The following KCNJ3 variants were observed in gnomAD, a reference collection of about 807,000 sequenced individuals.
The protein encoded by KCNJ3 is G protein-activated inward rectifier potassium channel 1.
A neutral mutation model predicts 39.2 loss-of-function variants in KCNJ3; 4 were observed. The observed-to-expected ratio is 0.10, with a 90% CI of 0.05 to 0.23. The LOEUF (loss-of-function observed/expected upper bound fraction) is 0.23. KCNJ3 is among the 10% of genes least tolerant of loss of function. The pLI, the probability that KCNJ3 is intolerant of heterozygous loss-of-function variation, is 1.00. For synonymous variants in KCNJ3, 230 were observed against 237.4 expected (o/e 0.97, Z 0.29); for missense variants, 276 against 634.9 (o/e 0.43, Z 6.08).
chr2:154,721,149 A>C (rs1187276674), intron 2 of KCNJ3, among the ~76,000 whole-genome samples: 2 of 152,104 alleles, frequency 1.3e-5, no homozygotes, highest in African/African-American at 2.4e-5. Context: ...TCATTCAGTT[A>C]AGATTTTTAA....
chr2:154,834,452 C>T (rs1033198730), intron 2 of KCNJ3, among the ~76,000 whole-genome samples: 9 of 152,062 alleles, frequency 5.9e-5, no homozygotes, highest in Admixed American at 2.0e-4. Context: ...ATCAGTTAGG[C>T]CGGGCACGGT....
chr2:154,793,485 C>A lies in KCNJ3; in HGVS notation c.920-61242C>A, dbSNP rs183939881. Among the ~76,000 whole-genome samples the A allele has an allele frequency of 3.2e-3, 483 of 151,958 alleles. 4 individuals carry two copies. The highest frequency in any genetic ancestry group is 0.011 in the African/African-American group (469 of 41,508). On this transcript the variant is annotated intron_variant, in intron 2 of 2. Transcript: ENST00000295101. ...GTGGTCTTCCTTTTAACATCTTTTT[C>A]AAAAAATATGATTTCCAGGACAATA... is the stretch of plus-strand genomic sequence containing the variant.
intron 2 of KCNJ3, among the ~76,000 whole-genome samples, chr2:154,715,369 G>C (rs140411398): frequency 6.6e-6 from 1 of 152,198 alleles, no homozygotes; most frequent in East Asian, 1.9e-4. Context: ...CCTTCTTATG[G>C]TACTGCTCAT....
chr2:154,852,153 A>G (rs1366446394), intron 2 of KCNJ3, among the ~76,000 whole-genome samples: 7 of 152,244 alleles, frequency 4.6e-5, no homozygotes, highest in Non-Finnish European at 5.9e-5. Flanking sequence ...TGAGTACGTA[A>G]CATTACTTAG....
At chr2:154,762,864 G>GAAGCTTT in intron 2 of KCNJ3, among the ~76,000 whole-genome samples, 1 of 152,296 alleles carries the variant, frequency 6.6e-6, no homozygotes, top group South Asian at 2.1e-4. Context: ...AGAGGGCTGG[G>GAAGCTTT]AAGCTTTAAG....
Position 154,701,035 on chromosome 2 carries a change from A to AT in KCNJ3, c.702+1560dup, listed in dbSNP as rs1684886856. ...AATTTTTTAAAATTTAACTTAGTGT[A>AT]TTGTTATTGACCGCTGTTTGAACCA... is the stretch of plus-strand genomic sequence containing the variant. On this transcript the variant is annotated intron_variant, in intron 1 of 2. Coordinates refer to ENST00000295101, the MANE Select transcript of KCNJ3 (RefSeq NM_002239.4). Among the ~76,000 whole-genome samples the AT allele has an allele frequency of 2.0e-5, 3 of 152,282 alleles. No individual in the cohort carries two copies. The Middle Eastern group carries it at 0.01, about 518-fold the overall frequency.
chr2:154,811,122 C>T (rs2105101551), intron 2 of KCNJ3, among the ~76,000 whole-genome samples: 1 of 152,214 alleles, frequency 6.6e-6, no homozygotes, highest in East Asian at 1.9e-4. Flanking sequence ...AAGTACAACT[C>T]TGGGAAAATC....
chr2:154,765,119 A>G (rs1481230836), intron 2 of KCNJ3, among the ~76,000 whole-genome samples: 1 of 152,144 alleles, frequency 6.6e-6, no homozygotes, highest in Non-Finnish European at 1.5e-5. Flanking sequence ...TCTTGCCTCT[A>G]CCCACCATAG....
intron 2 of KCNJ3, among the ~76,000 whole-genome samples, chr2:154,760,607 G>A (rs888413803): frequency 6.6e-6 from 1 of 151,816 alleles, no homozygotes; most frequent in Non-Finnish European, 1.5e-5. Context: ...AGCCTGGATT[G>A]TAGTGGTATA....
At chr2:154,752,134 A>C (rs1017146130) in intron 2 of KCNJ3, among the ~76,000 whole-genome samples, 2 of 152,082 alleles carry the variant, frequency 1.3e-5, no homozygotes, top group African/African-American at 2.4e-5. Flanking sequence ...CCATACAAAT[A>C]AAATAGCTGG....
At chr2:154,702,292 G>T (rs907260460) in intron 1 of KCNJ3, among the ~76,000 whole-genome samples, 3 of 151,834 alleles carry the variant, frequency 2.0e-5, no homozygotes, top group African/African-American at 7.2e-5. Context: ...AGTAACTATA[G>T]TGCATGTATT....
chr2:154,741,711 TC>T (rs1685656396), intron 2 of KCNJ3, among the ~76,000 whole-genome samples: 1 of 151,822 alleles, frequency 6.6e-6, no homozygotes, highest in Admixed American at 6.6e-5. Context: ...TGAGTTTAGT[TC>T]CCCTCATTCT....
At chr2:154,725,847 C>T (rs1205319385) in intron 2 of KCNJ3, among the ~76,000 whole-genome samples, 1 of 152,012 alleles carries the variant, frequency 6.6e-6, no homozygotes, top group Non-Finnish European at 1.5e-5. Context: ...AAAAACAAAA[C>T]ATAAATTGGG....
chr2:154,835,436 TATTCATGAATATGAATATATAATATTC>T (rs1687440159), intron 2 of KCNJ3, among the ~76,000 whole-genome samples: 1 of 50,552 alleles, frequency 2.0e-5, no homozygotes, highest in Admixed American at 2.7e-4. Flanking sequence ...GAATATATAA[TATTCATGAATATGAATATATAATATTC>T]ATGAATATGA....
rs982576928 is a variant in KCNJ3 at position 154,822,857 on chromosome 2, C to T, written c.920-31870C>T. Among the ~76,000 whole-genome samples, 9 of 151,782 alleles carry T rather than the reference C, an allele frequency of 5.9e-5. No homozygotes were observed. In the East Asian group the frequency reaches 1.5e-3, roughly 26 times the overall value. ...AGAAATAATTTGTGGTACTATAATT[C>T]TAAATGCTTTTAGCTGACTAAGTAA... On this transcript the variant is annotated intron_variant, in intron 2 of 2. Transcript: ENST00000295101.
At chr2:154,852,511 A>T (rs1487735137) in intron 2 of KCNJ3, among the ~76,000 whole-genome samples, 1 of 152,322 alleles carries the variant, frequency 6.6e-6, no homozygotes, top group East Asian at 1.9e-4. Flanking sequence ...AAAGACACTT[A>T]GAATGACAGT....
chr2:154,770,775 G>A (rs1686226694), intron 2 of KCNJ3, among the ~76,000 whole-genome samples: 4 of 151,924 alleles, frequency 2.6e-5, no homozygotes, highest in African/African-American at 9.7e-5. Context: ...AAATACTCAA[G>A]ACATCATTTT....
intron 2 of KCNJ3, among the ~76,000 whole-genome samples, chr2:154,748,905 T>G (rs1685792277): frequency 6.6e-6 from 1 of 152,120 alleles, no homozygotes; most frequent in Non-Finnish European, 1.5e-5. Flanking sequence ...GACTTTTCCC[T>G]CACTTCACAG....
At chr2:154,741,957 C>T (rs1480731236) in intron 2 of KCNJ3, among the ~76,000 whole-genome samples, 2 of 151,680 alleles carry the variant, frequency 1.3e-5, no homozygotes, top group African/African-American at 4.8e-5. Flanking sequence ...TAATGTCGTG[C>T]AATCGTCACT....
Sources: gnomAD v4.1 joint callset for allele counts (sites outside exome capture counted in the v4.1 genomes callset) on GRCh38, gnomAD v4.1.1 for gene constraint, MANE v1.5 for transcripts, NCBI Gene and HGNC (gene_info 2026-07-23, HGNC 2026-07-21) for gene names.